Variants in AUTS2 observed in about 807,000 individuals in gnomAD.
AUTS2 encodes the protein autism susceptibility gene 2 protein.
Under a neutral mutation model 112.4 loss-of-function variants are expected in AUTS2, and 17 were observed. The observed-to-expected ratio is 0.15, with a 90% confidence interval of 0.10 to 0.23. The LOEUF (loss-of-function observed/expected upper bound fraction) is 0.23. Among genes scored for constraint, AUTS2 ranks in the 10% least tolerant of loss-of-function variants. The pLI is 1.00. For synonymous variants in AUTS2, 751 were observed against 702.7 expected, an observed-to-expected ratio of 1.07 and a Z score of -1.09; for missense variants, 1,510 against 1,701.6, an observed-to-expected ratio of 0.89 and a Z score of 1.98.
chr7:69,883,993 A>G (rs1022401690), intron 1 of AUTS2, among the ~76,000 whole-genome samples: 1 of 152,160 alleles, frequency 6.6e-6, no homozygotes, highest in African/African-American at 2.4e-5. Context: ...GGGATGGGGA[A>G]TGGTTGATTT....
intron 4 of AUTS2, chr7:70,290,310 A>G: frequency 7.0e-7 from 1 of 1,432,688 alleles, no homozygotes; most frequent in Non-Finnish European, 9.1e-7. Context: ...ACAGTATTAT[A>G]TCAGAGGGCA....
chr7:70,129,522 C>T (rs1316411829), intron 3 of AUTS2, among the ~76,000 whole-genome samples: 1 of 152,228 alleles, frequency 6.6e-6, no homozygotes, highest in Non-Finnish European at 1.5e-5. Context: ...TTGACCACCA[C>T]AATCACACTC....
chr7:69,679,266 C>T (rs549919707), intron 1 of AUTS2, among the ~76,000 whole-genome samples: 1 of 152,326 alleles, frequency 6.6e-6, no homozygotes, highest in South Asian at 2.1e-4. Flanking sequence ...CTTTCATGTA[C>T]ATTAATGGGC....
intron 3 of AUTS2, among the ~76,000 whole-genome samples, chr7:70,132,875 T>C (rs1351670791): frequency 6.6e-6 from 1 of 152,182 alleles, no homozygotes. Context: ...CTCTGAGTAA[T>C]TCATCCTAAA....
At chr7:70,193,652 C>T (rs1195673390) in intron 4 of AUTS2, among the ~76,000 whole-genome samples, 1 of 152,170 alleles carries the variant, frequency 6.6e-6, no homozygotes, top group Non-Finnish European at 1.5e-5. Context: ...AGATGTCCAG[C>T]AATAGGAAAA....
chr7:70,605,544 C>CTTTT (rs760981505), intron 5 of AUTS2, among the ~76,000 whole-genome samples: 4 of 40,540 alleles, frequency 9.9e-5, no homozygotes, highest in African/African-American at 1.6e-4. Context: ...TTCCTTCTTT[C>CTTTT]TCTTTTTTTT....
intron 5 of AUTS2, among the ~76,000 whole-genome samples, chr7:70,615,183 T>A (rs1804291976): frequency 6.6e-6 from 1 of 152,114 alleles, no homozygotes; most frequent in Non-Finnish European, 1.5e-5. Context: ...TCTTCTGTAG[T>A]TGGAAAGGAG....
chr7:70,155,405 T>C (rs998510110), intron 4 of AUTS2, among the ~76,000 whole-genome samples: 3 of 151,654 alleles, frequency 2.0e-5, no homozygotes, highest in African/African-American at 7.3e-5. Flanking sequence ...ATGTGGTCTT[T>C]ACTTTGATTG....
intron 4 of AUTS2, among the ~76,000 whole-genome samples, chr7:70,178,661 G>A (rs988578449): frequency 7.2e-5 from 11 of 152,030 alleles, no homozygotes; most frequent in African/African-American, 1.4e-4. Flanking sequence ...TTAGCTGGGC[G>A]TGGTGGCAGG....
intron 4 of AUTS2, among the ~76,000 whole-genome samples, chr7:70,225,080 A>T (rs960238822): frequency 5.9e-5 from 9 of 152,192 alleles, no homozygotes; most frequent in Non-Finnish European, 1.3e-4. Flanking sequence ...CTTCCTTGTT[A>T]ATTGAAACTC....
At chr7:69,955,733 C>T (rs979685114) in intron 2 of AUTS2, among the ~76,000 whole-genome samples, 1 of 152,096 alleles carries the variant, frequency 6.6e-6, no homozygotes, top group Admixed American at 6.6e-5. Flanking sequence ...GCCCATGTTC[C>T]GTGGCATGGG....
At chr7:70,456,505 C>T (rs984972467) in intron 5 of AUTS2, among the ~76,000 whole-genome samples, 1 of 152,188 alleles carries the variant, frequency 6.6e-6, no homozygotes, top group African/African-American at 2.4e-5. Context: ...CCAATATCAG[C>T]GAGATTTCCA....
intron 2 of AUTS2, among the ~76,000 whole-genome samples, chr7:70,007,737 G>C (rs1394709622): frequency 2.0e-5 from 3 of 152,182 alleles, no homozygotes; most frequent in African/African-American, 7.2e-5. Context: ...AACCCAGATA[G>C]TCTGTCTTCA....
intron 4 of AUTS2, among the ~76,000 whole-genome samples, chr7:70,149,232 C>G (rs1263598691): frequency 1.3e-5 from 2 of 151,698 alleles, no homozygotes; most frequent in Admixed American, 1.3e-4. Flanking sequence ...TAGTTAAAAC[C>G]CACACACACT....
At chr7:70,651,542 G>A (rs545751620) in intron 5 of AUTS2, among the ~76,000 whole-genome samples, 14 of 152,016 alleles carry the variant, frequency 9.2e-5, no homozygotes, top group South Asian at 2.1e-4. Context: ...GCCTACCATC[G>A]GGCAGAATCA....
intron 5 of AUTS2, among the ~76,000 whole-genome samples, chr7:70,548,127 C>T (rs769472175): frequency 2.0e-4 from 31 of 152,068 alleles, no homozygotes; most frequent in Admixed American, 1.1e-3. Context: ...TTTCATATCA[C>T]CTTGTCGATT....
intron 4 of AUTS2, among the ~76,000 whole-genome samples, chr7:70,303,422 A>G (rs8180851): frequency 0.013 from 1,605 of 125,722 alleles, 38 homozygotes; most frequent in East Asian, 0.11. Context: ...GCACACACAC[A>G]CGCGCGCGCG....
chr7:70,711,023 A>C lies in AUTS2; in HGVS notation c.742+12403A>C, dbSNP rs551024581. On this transcript the variant is annotated intron_variant, in intron 6 of 18. Coordinates refer to ENST00000342771, the MANE Select transcript of AUTS2 (RefSeq NM_015570.4). ...GAGGCAGCTTGAGAATAACTGGTAA[A>C]GGGTGACTTGCCATTTCCCCGCTGG... is the stretch of plus-strand genomic sequence containing the variant. Among the ~76,000 whole-genome samples the C allele has an allele frequency of 5.9e-5, 9 of 152,318 alleles. No individual in the cohort carries two copies. In the South Asian group the frequency reaches 1.5e-3, roughly 25 times the overall value.
chr7:70,274,517 C>G (rs2129609480), intron 4 of AUTS2, among the ~76,000 whole-genome samples: 1 of 152,184 alleles, frequency 6.6e-6, no homozygotes, highest in Non-Finnish European at 1.5e-5. Context: ...TGGTCTTGAA[C>G]TGAGCTCAAG....
Sources: allele counts gnomAD v4.1 joint callset (sites outside exome capture counted in the v4.1 genomes callset), GRCh38; gene constraint gnomAD v4.1.1; transcripts MANE v1.5; gene names NCBI Gene and HGNC (gene_info 2026-07-23, HGNC 2026-07-21).